Variants in SH3PXD2B observed in about 807,000 individuals in gnomAD.
SH3PXD2B encodes the protein SH3 and PX domains 2B, also known as SH3 and PX domain-containing protein 2B.
SH3PXD2B carries 37 observed loss-of-function variants against 73.1 expected under a neutral mutation model. The ratio of observed to expected loss-of-function variants is 0.51; its 90% confidence interval spans 0.39 to 0.67. The LOEUF is 0.67. Among genes scored for constraint, SH3PXD2B ranks in the 30% least tolerant of loss-of-function variants. The probability of loss-of-function intolerance (pLI) is 0.00; values close to 1 mark genes in which losing one functional copy is unlikely to be tolerated. For synonymous variants in SH3PXD2B, 457 were observed against 480.5 expected (o/e 0.95, Z 0.64); for missense variants, 1,053 against 1,197.8 (o/e 0.88, Z 1.78).
At chr5:172,383,579 G>A (rs1757994566) in intron 4 of SH3PXD2B, among the ~76,000 whole-genome samples, 1 of 152,218 alleles carries the variant, frequency 6.6e-6, no homozygotes, top group Admixed American at 6.5e-5. Flanking sequence ...AGGGTAATGA[G>A]GATGCAGATC....
At position 172,392,619 on chromosome 5, in the gene SH3PXD2B, C is replaced by CAAA. The variant is rs566564799; in HGVS notation, c.309+1941_309+1943dup. Reference sequence around the variant, plus strand: ...TGTAACCCCGTCTCTACTAAAAATACAAAAAAAAAAAAAAAATTAGCCAGG... The same window carrying CAAA: ...TGTAACCCCGTCTCTACTAAAAATACAAAAAAAAAAAAAAAAAAATTAGCCAGG... On this transcript the variant is annotated intron_variant, in intron 4 of 12. Coordinates refer to ENST00000311601, the MANE Select transcript of SH3PXD2B (RefSeq NM_001017995.3). 1.3e-3 allele frequency among the ~76,000 whole-genome samples: 150 copies of CAAA among 116,714 alleles called. 1 individual carries two copies. Among genetic ancestry groups the CAAA allele is most frequent in the Middle Eastern group, 8.3e-3 (2 of 240 alleles). 76.6% of individuals were successfully genotyped at this position (116,714 alleles called of 152,430 possible). A position where few individuals can be genotyped will look rare whatever the true frequency, so the allele number is the denominator to read the frequency against.
intron 2 of SH3PXD2B, among the ~76,000 whole-genome samples, chr5:172,413,220 C>T (rs1173277803): frequency 6.6e-6 from 1 of 152,246 alleles, no homozygotes; most frequent in East Asian, 1.9e-4. Flanking sequence ...TGGGGCAGGG[C>T]TTTCAGGGCC....
intron 1 of SH3PXD2B, among the ~76,000 whole-genome samples, chr5:172,443,387 AG>A (rs1462231703): frequency 5.9e-5 from 9 of 152,198 alleles, no homozygotes; most frequent in Admixed American, 5.2e-4. Context: ...TCTACGTTCA[AG>A]GGCCCTCTGA....
At chr5:172,382,454 C>T (rs1486280843) in intron 4 of SH3PXD2B, among the ~76,000 whole-genome samples, 3 of 151,832 alleles carry the variant, frequency 2.0e-5, no homozygotes, top group Non-Finnish European at 2.9e-5. Context: ...AAACACAGAT[C>T]GTGGAGCCCC....
At chr5:172,363,912 T>C (rs961911147) in intron 6 of SH3PXD2B, among the ~76,000 whole-genome samples, 6 of 152,054 alleles carry the variant, frequency 3.9e-5, no homozygotes, top group African/African-American at 1.4e-4. Flanking sequence ...ATGTGGAGAA[T>C]GGATCAGAGG....
chr5:172,436,036 T>C (rs1759378991), intron 1 of SH3PXD2B, among the ~76,000 whole-genome samples: 1 of 152,134 alleles, frequency 6.6e-6, no homozygotes, highest in Non-Finnish European at 1.5e-5. Context: ...GATAGGGAGG[T>C]GCTGGCCAAG....
At chr5:172,374,666 G>A (rs562021083) in intron 5 of SH3PXD2B, among the ~76,000 whole-genome samples, 2 of 152,262 alleles carry the variant, frequency 1.3e-5, no homozygotes, top group South Asian at 2.1e-4. Context: ...GGGTGACAGA[G>A]CAAGACTCCA....
chr5:172,438,862 G>A (rs565624842), intron 1 of SH3PXD2B, among the ~76,000 whole-genome samples: 6 of 151,480 alleles, frequency 4.0e-5, no homozygotes, highest in South Asian at 2.1e-4. Context: ...ATTTTACTGC[G>A]TTACACCACA....
intron 1 of SH3PXD2B, among the ~76,000 whole-genome samples, chr5:172,434,459 G>C (rs2731685): frequency 6.6e-6 from 1 of 151,914 alleles, no homozygotes; most frequent in African/African-American, 2.4e-5. Context: ...GAACTCCATC[G>C]ATACGCTGTC....
chr5:172,439,276 CAAAA>C (rs1759481021), intron 1 of SH3PXD2B, among the ~76,000 whole-genome samples: 5 of 44,106 alleles, frequency 1.1e-4, no homozygotes, highest in African/African-American at 3.3e-4. Context: ...AAAACAAAAA[CAAAA>C]CAAAAAAAAA....
chr5:172,410,890 G>A (rs1212860852), intron 2 of SH3PXD2B, among the ~76,000 whole-genome samples: 1 of 152,230 alleles, frequency 6.6e-6, no homozygotes, highest in Non-Finnish European at 1.5e-5. Flanking sequence ...AGAGGGCAGT[G>A]AACTTGCCTG....
In SH3PXD2B at chr5:172,439,690, G is replaced by GCACACACA. The variant is rs1488784600; in HGVS notation, c.75+14587_75+14588insTGTGTGTG. ...TGTGTGCGTGCGTGCGCGCACGCGC[G>GCACACACA]CGCACACACACACACACACACACAC... On this transcript the variant is annotated intron_variant, in intron 1 of 12. Transcript: ENST00000311601. Among the ~76,000 whole-genome samples, 272 of 113,190 alleles carry GCACACACA rather than the reference G, an allele frequency of 2.4e-3. 2 individuals carry two copies. Among genetic ancestry groups the GCACACACA allele is most frequent in the South Asian group, 4.1e-3 (15 of 3,628 alleles). 74.3% of individuals were successfully genotyped at this position (113,190 alleles called of 152,430 possible). A position where few individuals can be genotyped will look rare whatever the true frequency, so the allele number is the denominator to read the frequency against.
chr5:172,386,306 C>T (rs1488442538), intron 4 of SH3PXD2B, among the ~76,000 whole-genome samples: 2 of 152,170 alleles, frequency 1.3e-5, no homozygotes, highest in African/African-American at 4.8e-5. Context: ...CCTGTTGGCT[C>T]TCTATACTGT....
intron 1 of SH3PXD2B, among the ~76,000 whole-genome samples, chr5:172,451,787 T>G (rs543575573): frequency 6.6e-6 from 1 of 152,284 alleles, no homozygotes; most frequent in East Asian, 1.9e-4. Flanking sequence ...GGGGTGGAGC[T>G]TGGGAACAGC....
chr5:172,382,105 T>C lies in SH3PXD2B; in HGVS notation c.332A>G (p.Tyr111Cys). ...YCKALIQLPP[Y>C]ISQCDEVLQF... ...CAGCACCTCATCACACTGAGAGATG[T>C]AGGGGGGCAGCTGGATGAGGGCCTG... The change falls in exon 5 of 13, where the codon TAC (tyrosine) becomes TGC (cysteine). Residue 111 changes from tyrosine (Y) to cysteine (C), a missense_variant. This residue lies in a region of SH3PXD2B where 466 missense variants were observed against 607.1 expected (regional missense o/e 0.77). Coordinates refer to ENST00000311601, the MANE Select transcript of SH3PXD2B (RefSeq NM_001017995.3). 6.2e-7 allele frequency: 1 copy of C among 1,609,542 alleles called. No individual in the cohort carries two copies. The highest frequency in any genetic ancestry group is 2.2e-5 in the East Asian group (1 of 44,766).
In SH3PXD2B at chr5:172,358,816, G is replaced by A. The variant is rs1299451733; in HGVS notation, c.624C>T (p.Gly208=). Reference sequence around the variant, plus strand: ...AAAACTCATCCTGCACCCCATCCTGGCCTTCGAGGCACGTTGCAGGGACCC... The same window carrying A: ...AAAACTCATCCTGCACCCCATCCTGACCTTCGAGGCACGTTGCAGGGACCC... ...QGWVPATCLE[G]QDGVQDEFSL... Residue 208 remains glycine, a synonymous_variant, in exon 8 of 13, where the codon GGC becomes GGT. Coordinates refer to ENST00000311601, the MANE Select transcript of SH3PXD2B (RefSeq NM_001017995.3). 6.8e-6 allele frequency: 11 copies of A among 1,613,934 alleles called. No individual in the cohort carries two copies. Among genetic ancestry groups the A allele is most frequent in the Non-Finnish European group, 9.3e-6 (11 of 1,179,952 alleles).
chr5:172,445,948 C>T lies in SH3PXD2B; in HGVS notation c.75+8330G>A, dbSNP rs919892114. ...CGGAGCTCAGGTCCGCAGGCTTCTG[C>T]AGAGGCAGAGTCCGGAGGAGGCAGC... On this transcript the variant is annotated intron_variant, in intron 1 of 12. Transcript: ENST00000311601. The surrounding 1 kb of genome is among the most constrained non-coding windows in gnomAD (Gnocchi z 5.2). Among the ~76,000 whole-genome samples, 2 of 152,244 alleles carry T rather than the reference C, an allele frequency of 1.3e-5. No homozygotes were observed. The highest frequency in any genetic ancestry group is 2.9e-5 in the Non-Finnish European group (2 of 68,044).
Position 172,430,055 on chromosome 5 carries a change from C to G in SH3PXD2B, c.76-7559G>C, listed in dbSNP as rs560193755. On this transcript the variant is annotated intron_variant, in intron 1 of 12. Transcript: ENST00000311601. ...CTTAACCCCCATGACTCAGTTTCCT[C>G]ATTTGTAAAAAATGAGGTCTGCAAT... is the stretch of plus-strand genomic sequence containing the variant. Among the ~76,000 whole-genome samples the G allele has an allele frequency of 2.0e-5, 3 of 152,286 alleles. No individual in the cohort carries two copies. The South Asian group carries it at 6.2e-4, about 32-fold the overall frequency.
chr5:172,349,256 G>C (rs575872770), intron 10 of SH3PXD2B, among the ~76,000 whole-genome samples: 1 of 152,220 alleles, frequency 6.6e-6, no homozygotes, highest in Non-Finnish European at 1.5e-5. Context: ...AAAACAGCTG[G>C]AGAAGCCCCG....
Sources: allele counts gnomAD v4.1 joint callset (sites outside exome capture counted in the v4.1 genomes callset), GRCh38; gene constraint gnomAD v4.1.1; regional missense constraint gnomAD v4.1.1; non-coding constraint Gnocchi (gnomAD v3.1); transcripts MANE v1.5; gene names NCBI Gene and HGNC (gene_info 2026-07-23, HGNC 2026-07-21).